Variants in SLC12A2 observed in about 807,000 individuals in gnomAD.
SLC12A2 encodes the protein solute carrier family 12 member 2.
SLC12A2 carries 67 observed loss-of-function variants against 136.3 expected under a neutral mutation model. That is an observed-to-expected ratio of 0.49 (90% CI 0.40 to 0.60). SLC12A2 has a LOEUF of 0.60. SLC12A2 is among the 20% of genes least tolerant of loss of function. The pLI is 0.00. For synonymous variants in SLC12A2, 619 were observed against 562.9 expected, an observed-to-expected ratio of 1.10 and a Z score of -1.41; for missense variants, 1,322 against 1,534.7, an observed-to-expected ratio of 0.86 and a Z score of 2.32.
chr5:128,181,868 CTCTTTAAATACTGCAT>C, intron 23 of SLC12A2, among the ~76,000 whole-genome samples: 1 of 152,052 alleles, frequency 6.6e-6, no homozygotes, highest in Admixed American at 6.6e-5. Flanking sequence ...CTCCTTTTAT[CTCTTTAAATACTGCAT>C]TCTTTAAAAC....
intron 1 of SLC12A2, among the ~76,000 whole-genome samples, chr5:128,104,780 A>G (rs909227946): frequency 6.6e-6 from 1 of 152,054 alleles, no homozygotes; most frequent in African/African-American, 2.4e-5. Flanking sequence ...ATTTGTAACA[A>G]TCCTGTATAG....
chr5:128,088,936 A>T (rs1486277323), intron 1 of SLC12A2, among the ~76,000 whole-genome samples: 1 of 152,172 alleles, frequency 6.6e-6, no homozygotes, highest in Non-Finnish European at 1.5e-5. Context: ...TGGGAGGCCG[A>T]GGCGGGTGGA....
chr5:128,164,854 T>G (rs906351687), intron 17 of SLC12A2, among the ~76,000 whole-genome samples: 5 of 150,888 alleles, frequency 3.3e-5, no homozygotes, highest in Admixed American at 2.0e-4. Context: ...TTTGTTTTTT[T>G]TTTTTTTTTT....
chr5:128,127,588 G>A (rs544885101), intron 4 of SLC12A2, among the ~76,000 whole-genome samples: 9 of 151,574 alleles, frequency 5.9e-5, no homozygotes, highest in African/African-American at 2.2e-4. Flanking sequence ...TTTGGCAGGA[G>A]TGCTTATCAC....
chr5:128,133,725 CAG>C (rs1366385658), intron 5 of SLC12A2, among the ~76,000 whole-genome samples: 1 of 151,964 alleles, frequency 6.6e-6, no homozygotes, highest in Non-Finnish European at 1.5e-5. Flanking sequence ...AGAGTGGAAA[CAG>C]TGTGTTTTTG....
Position 128,109,576 on chromosome 5 carries a change from C to T in SLC12A2, c.757-3238C>T, listed in dbSNP as rs753415415. The T allele has an allele frequency of 7.0e-6, 5 of 715,460 alleles. No homozygotes were observed. The Admixed American group carries it at 9.1e-5, about 13-fold the overall frequency. 44.3% of individuals were successfully genotyped at this position (715,460 alleles called of 1,614,324 possible). A position where few individuals can be genotyped will look rare whatever the true frequency, so the allele number is the denominator to read the frequency against. ...AAAGGCAGCTGAGTCCGGAGAAGAG[C>T]AAAATATGGGGACCCAGGTTAAAAG... On this transcript the variant is annotated intron_variant, in intron 1 of 26. Transcript: ENST00000262461.
Position 128,112,936 on chromosome 5 carries a change from A to G in SLC12A2, c.876+3A>G. ...TTGGCTGGATCAAGGGTGTATTAGT[A>G]TGTATATATAGACTTAATTTTATAG... On this transcript the variant is annotated splice_donor_region_variant and intron_variant, in intron 2 of 26. Coordinates refer to ENST00000262461, the MANE Select transcript of SLC12A2 (RefSeq NM_001046.3). 6.3e-7 allele frequency: 1 copy of G among 1,599,510 alleles called. No individual in the cohort carries two copies. The highest frequency in any genetic ancestry group is 8.5e-7 in the Non-Finnish European group (1 of 1,175,262).
At chr5:128,141,340 C>G (rs1762356899) in intron 9 of SLC12A2, among the ~76,000 whole-genome samples, 1 of 152,072 alleles carries the variant, frequency 6.6e-6, no homozygotes, top group South Asian at 2.1e-4. Flanking sequence ...ATATTTGAGA[C>G]AGAGATTTAA....
chr5:128,147,314 A>G (rs1447197166), intron 10 of SLC12A2, among the ~76,000 whole-genome samples: 1 of 151,682 alleles, frequency 6.6e-6, no homozygotes, highest in South Asian at 2.1e-4. Flanking sequence ...TTGTTTCAAA[A>G]TATTGTGGGG....
At chr5:128,087,527 G>T (rs1760146221) in intron 1 of SLC12A2, among the ~76,000 whole-genome samples, 1 of 152,190 alleles carries the variant, frequency 6.6e-6, no homozygotes, top group Admixed American at 6.5e-5. Context: ...TGATTGGGTG[G>T]AATGACAGTC....
chr5:128,105,803 A>C (rs1436933587), intron 1 of SLC12A2, among the ~76,000 whole-genome samples: 1 of 152,130 alleles, frequency 6.6e-6, no homozygotes, highest in Non-Finnish European at 1.5e-5. Context: ...TACTCAGAAA[A>C]GTGTTCTGCT....
intron 14 of SLC12A2, among the ~76,000 whole-genome samples, chr5:128,151,627 TCTCA>T (rs905573628): frequency 1.3e-5 from 2 of 152,172 alleles, no homozygotes; most frequent in South Asian, 2.1e-4. Context: ...TGGTTTCCAT[TCTCA>T]CTCATAAATT....
intron 10 of SLC12A2, among the ~76,000 whole-genome samples, chr5:128,145,530 A>G (rs185905744): frequency 1.1e-4 from 16 of 152,264 alleles, no homozygotes; most frequent in Admixed American, 8.5e-4. Flanking sequence ...AATGCACAGC[A>G]TATATGTAAC....
rs756796810 is a variant in SLC12A2 at position 128,189,285 on chromosome 5, GAAAT to G, written c.*2661_*2664del. Reference sequence around the variant, plus strand: ...AGTTCTAATCATTGATGATAGCTTGGAAATAAATAATTATGCCATGGCATTTGAC... The same window carrying G: ...AGTTCTAATCATTGATGATAGCTTGGAAATAATTATGCCATGGCATTTGAC... On this transcript the variant is annotated 3_prime_UTR_variant, in exon 27 of 27. Transcript: ENST00000262461. 7 of 151,972 alleles carry G rather than the reference GAAAT, an allele frequency of 4.6e-5. No individual in the cohort carries two copies. Among genetic ancestry groups the G allele is most frequent in the Admixed American group, 3.3e-4 (5 of 15,258 alleles). 9.4% of individuals were successfully genotyped at this position (151,972 alleles called of 1,614,324 possible). A position where few individuals can be genotyped will look rare whatever the true frequency, so the allele number is the denominator to read the frequency against.
At chr5:128,108,461 T>G (rs1761026625) in intron 1 of SLC12A2, among the ~76,000 whole-genome samples, 1 of 152,204 alleles carries the variant, frequency 6.6e-6, no homozygotes, top group African/African-American at 2.4e-5. Flanking sequence ...GAATATTATC[T>G]GGCAATAAAA....
At chr5:128,159,801 T>C (rs947337891) in intron 16 of SLC12A2, among the ~76,000 whole-genome samples, 5 of 152,204 alleles carry the variant, frequency 3.3e-5, no homozygotes, top group Admixed American at 6.5e-5. Context: ...GAGTTTAAAC[T>C]AGTTCAACCA....
intron 2 of SLC12A2, among the ~76,000 whole-genome samples, 172 bp downstream of exon 2, chr5:128,113,105 T>A (rs1190879097): frequency 6.6e-6 from 1 of 152,250 alleles, no homozygotes; most frequent in Non-Finnish European, 1.5e-5. Flanking sequence ...CTTTTGGATA[T>A]TAACTTCAGC....
At chr5:128,142,988 A>AT (rs1762421945) in intron 10 of SLC12A2, among the ~76,000 whole-genome samples, 1 of 152,072 alleles carries the variant, frequency 6.6e-6, no homozygotes, top group Non-Finnish European at 1.5e-5. Flanking sequence ...CCTTACGTTT[A>AT]TTTTTAAAAA....
chr5:128,178,704 T>C lies in SLC12A2; in HGVS notation c.3100+15T>C. 6.6e-7 allele frequency: 1 copy of C among 1,525,516 alleles called. No homozygotes were observed. The highest frequency in any genetic ancestry group is 8.8e-7 in the Non-Finnish European group (1 of 1,137,288). The allele number at this position is 1,525,516 out of a possible 1,614,324, so 94.5% of individuals were successfully genotyped here. ...TGATGATGGAGGTAAGGTTGTTAAT[T>C]TTTTTAAAATGATTTTAAATTTACT... On this transcript the variant is annotated intron_variant, in intron 22 of 26. Coordinates refer to ENST00000262461, the MANE Select transcript of SLC12A2 (RefSeq NM_001046.3).
Sources: gnomAD v4.1 joint callset for allele counts (sites outside exome capture counted in the v4.1 genomes callset) on GRCh38, gnomAD v4.1.1 for gene constraint, MANE v1.5 for transcripts, NCBI Gene and HGNC (gene_info 2026-07-23, HGNC 2026-07-21) for gene names.